Variants in KLF12 observed in about 807,000 individuals in gnomAD.
KLF12 encodes KLF transcription factor 12.
KLF12 carries 9 observed loss-of-function variants against 37.8 expected under a neutral mutation model. That is an observed-to-expected ratio of 0.24 (90% confidence interval 0.14 to 0.42). The LOEUF is 0.42. Ranked by LOEUF, KLF12 falls within the 10% of genes least tolerant of loss-of-function variation. KLF12 has a pLI of 1.00. For synonymous variants in KLF12, 208 were observed against 202.1 expected (o/e 1.03, Z -0.25); for missense variants, 411 against 516.0 (o/e 0.80, Z 1.97).
At chr13:74,123,449 C>T (rs1877756037) in intron 1 of KLF12, among the ~76,000 whole-genome samples, 1 of 152,236 alleles carries the variant, frequency 6.6e-6, no homozygotes, top group African/African-American at 2.4e-5. Flanking sequence ...TTCGGCTTAG[C>T]TATCCTGCTT....
At chr13:73,789,275 G>C (rs1489610968) in intron 5 of KLF12, among the ~76,000 whole-genome samples, 1 of 152,112 alleles carries the variant, frequency 6.6e-6, no homozygotes, top group East Asian at 1.9e-4. Flanking sequence ...CCTTCTCCAT[G>C]TTATCTGGAC....
intron 1 of KLF12, among the ~76,000 whole-genome samples, chr13:74,002,449 A>C (rs1392885657): frequency 6.6e-6 from 1 of 152,148 alleles, no homozygotes; most frequent in Non-Finnish European, 1.5e-5. Flanking sequence ...ATCATGGCTC[A>C]CTGCAGCCTC....
intron 5 of KLF12, among the ~76,000 whole-genome samples, chr13:73,778,335 C>G (rs1180808346): frequency 1.3e-5 from 2 of 152,116 alleles, no homozygotes; most frequent in Non-Finnish European, 2.9e-5. Context: ...GAACTTTGTA[C>G]TGTGCTAAGA....
At chr13:74,134,925 A>G (rs902703942), upstream of KLF12, among the ~76,000 whole-genome samples, 8 of 151,694 alleles carry the variant, frequency 5.3e-5, no homozygotes, top group Non-Finnish European at 1.2e-4. Context: ...GCGAACTTGG[A>G]AAGGTGTGGG....
chr13:73,896,356 AC>A (rs1887768811), intron 3 of KLF12, among the ~76,000 whole-genome samples: 1 of 152,208 alleles, frequency 6.6e-6, no homozygotes, highest in Admixed American at 6.5e-5. Flanking sequence ...AAACTGTCAC[AC>A]TGAGAATGAG....
intron 1 of KLF12, among the ~76,000 whole-genome samples, chr13:73,997,191 T>TTA (rs985289993): frequency 3.9e-5 from 6 of 152,150 alleles, no homozygotes; most frequent in African/African-American, 1.4e-4. Context: ...CAAATGAAGG[T>TTA]AACAGATGAG....
chr13:74,235,917 T>C, the KLF12 span, among the ~76,000 whole-genome samples: 2 of 142,840 alleles, frequency 1.4e-5, no homozygotes, highest in South Asian at 4.8e-4. Flanking sequence ...TTTTAATTTT[T>C]TTATTTTTTT....
chr13:73,830,194 C>A (rs138867398), intron 4 of KLF12, among the ~76,000 whole-genome samples: 1 of 152,298 alleles, frequency 6.6e-6, no homozygotes, highest in Admixed American at 6.5e-5. Context: ...AGTGCATCAC[C>A]AGTGAGCACT....
intron 6 of KLF12, among the ~76,000 whole-genome samples, chr13:73,753,252 G>A (rs1359199855): frequency 6.6e-6 from 1 of 151,992 alleles, no homozygotes; most frequent in Non-Finnish European, 1.5e-5. Context: ...TTCGTTCCTT[G>A]AATGTCCATG....
chr13:73,745,229 A>T (rs1469686939), intron 6 of KLF12, among the ~76,000 whole-genome samples: 1 of 152,236 alleles, frequency 6.6e-6, no homozygotes, highest in African/African-American at 2.4e-5. Flanking sequence ...GAGAACACAT[A>T]TTACAAATGC....
the KLF12 span, among the ~76,000 whole-genome samples, chr13:74,206,215 TA>T: frequency 2.4e-4 from 36 of 152,266 alleles, no homozygotes; most frequent in Admixed American, 1.8e-3. Flanking sequence ...TAGAATCCAT[TA>T]AAAAATTACA....
At chr13:73,813,331 G>GA in intron 4 of KLF12, 44 bp from the exon 5 acceptor site, 1 of 1,609,150 alleles carries the variant, frequency 6.2e-7, no homozygotes, top group Non-Finnish European at 8.5e-7. Context: ...TCAGTGCGCA[G>GA]AAAGTTAACC....
At chr13:73,914,812 C>CT (rs201342030) in intron 3 of KLF12, among the ~76,000 whole-genome samples, 9 of 151,394 alleles carry the variant, frequency 5.9e-5, no homozygotes, top group Admixed American at 2.6e-4. Context: ...ATGTTTTCAT[C>CT]TTTTTTTTTC....
the KLF12 span, among the ~76,000 whole-genome samples, chr13:74,208,970 C>T: frequency 6.6e-6 from 1 of 152,090 alleles, no homozygotes; most frequent in African/African-American, 2.4e-5. Flanking sequence ...CCAAGTATTT[C>T]ATACGGGAGC....
At chr13:73,796,460 A>C (rs538149846) in intron 5 of KLF12, among the ~76,000 whole-genome samples, 1 of 147,852 alleles carries the variant, frequency 6.8e-6, no homozygotes, top group South Asian at 2.1e-4. Flanking sequence ...TGCTTCTCTA[A>C]GCTTTCTCCC....
At chr13:74,274,029 C>T in the KLF12 span, among the ~76,000 whole-genome samples, 1 of 152,200 alleles carries the variant, frequency 6.6e-6, no homozygotes, top group East Asian at 1.9e-4. Context: ...CCAAACTCTG[C>T]CTCTTGAGGC....
At chr13:73,964,408 G>GT (rs1891114308) in intron 2 of KLF12, among the ~76,000 whole-genome samples, 1 of 152,024 alleles carries the variant, frequency 6.6e-6, no homozygotes, top group Non-Finnish European at 1.5e-5. Context: ...GCCTACCCAG[G>GT]TTTTTTTCCA....
the KLF12 span, among the ~76,000 whole-genome samples, chr13:74,170,642 T>C: frequency 6.6e-6 from 1 of 152,230 alleles, no homozygotes; most frequent in African/African-American, 2.4e-5. Context: ...TTTCTATTTC[T>C]GTTTCATCAG....
chr13:73,772,900 AGAT>A (rs1384320072), intron 5 of KLF12, among the ~76,000 whole-genome samples: 1 of 144,866 alleles, frequency 6.9e-6, no homozygotes, highest in African/African-American at 2.5e-5. Flanking sequence ...AGTGAGAAGA[AGAT>A]GGACACAGAT....
Sources: allele counts gnomAD v4.1 joint callset (sites outside exome capture counted in the v4.1 genomes callset), GRCh38; gene constraint gnomAD v4.1.1; transcripts MANE v1.5; gene names NCBI Gene and HGNC (gene_info 2026-07-23, HGNC 2026-07-21).